Variants in ULK4 observed in about 807,000 individuals in gnomAD.
ULK4 encodes the protein unc-51 like kinase 4.
In ULK4, 133 loss-of-function variants were observed where a neutral mutation model predicts 160.6. That is an observed-to-expected ratio of 0.83 (90% CI 0.72 to 0.96). The LOEUF is 0.96. Ranked by LOEUF, ULK4 falls within the 40% of genes least tolerant of loss-of-function variation. The pLI is 0.00. For missense variants in ULK4, 1,580 were observed against 1,499.5 expected (o/e 1.05, Z -0.89); for synonymous variants, 534 against 539.8 (o/e 0.99, Z 0.15).
chr3:41,275,723 C>G (rs536636526), intron 35 of ULK4, among the ~76,000 whole-genome samples: 1 of 152,240 alleles, frequency 6.6e-6, no homozygotes, highest in Non-Finnish European at 1.5e-5. Flanking sequence ...CATGATAGAA[C>G]AGCCCAGCTA....
At position 41,566,062 on chromosome 3, in the gene ULK4, G is replaced by A. The variant is rs1287628808; in HGVS notation, c.3189C>T (p.Ala1063=). 1 of 1,613,458 alleles carries A rather than the reference G, an allele frequency of 6.2e-7. No individual in the cohort carries two copies. Among genetic ancestry groups the A allele is most frequent in the Non-Finnish European group, 8.5e-7 (1 of 1,179,862 alleles). Residue 1063 remains alanine (A), a synonymous_variant, in exon 32 of 37, where the codon GCC becomes GCT. Transcript: ENST00000301831. ...GTAGTTCCATATTCGAATCTTTGCA[G>A]GCAACTAGATTGCTGAGTAATGCAA... is the stretch of plus-strand genomic sequence containing the variant. ...SVIALLSNLV[A]CKDSNMELLY... is the part of the protein sequence containing the mutation.
rs1165196198 is a variant in ULK4, at chr3:41,760,447, C to CTTGTACACAAAAA, written c.2194-5972_2194-5960dup. Among the ~76,000 whole-genome samples the CTTGTACACAAAAA allele has an allele frequency of 2.0e-5, 3 of 152,028 alleles. No individual in the cohort carries two copies. The East Asian group carries it at 5.8e-4, about 29-fold the overall frequency. The stretch of plus-strand genomic sequence containing the variant: ...ATAAAAACTTAAGTTCACAGAAAAC[C>CTTGTACACAAAAA]TTGTACACAAAAATTGTACACAAAA... On this transcript the variant is annotated intron_variant, in intron 21 of 36. Transcript: ENST00000301831.
At chr3:41,473,624 G>A (rs551897724) in intron 32 of ULK4, among the ~76,000 whole-genome samples, 27 of 140,182 alleles carry the variant, frequency 1.9e-4, no homozygotes, top group African/African-American at 7.2e-4. Context: ...ATCGCACCAC[G>A]GCACTCCAGG....
chr3:41,725,919 C>T (rs1180891322), intron 22 of ULK4, among the ~76,000 whole-genome samples: 1 of 152,138 alleles, frequency 6.6e-6, no homozygotes, highest in Non-Finnish European at 1.5e-5. Flanking sequence ...CAAAAATGAG[C>T]TTCTCTCCCT....
chr3:41,581,094 C>G (rs537223187), intron 31 of ULK4, among the ~76,000 whole-genome samples: 1 of 152,044 alleles, frequency 6.6e-6, no homozygotes, highest in African/African-American at 2.4e-5. Context: ...CCAGAATATA[C>G]ACTAATCAAC....
At chr3:41,264,747 A>T (rs561038007) in intron 35 of ULK4, among the ~76,000 whole-genome samples, 1 of 152,348 alleles carries the variant, frequency 6.6e-6, no homozygotes, top group African/African-American at 2.4e-5. Flanking sequence ...TCAACAGATT[A>T]TATTAGATGA....
intron 27 of ULK4, among the ~76,000 whole-genome samples, chr3:41,683,084 A>G (rs2035975237): frequency 6.6e-6 from 1 of 152,192 alleles, no homozygotes; most frequent in Non-Finnish European, 1.5e-5. Flanking sequence ...ATTCTTTCAT[A>G]CATTCCCAGT....
chr3:41,932,813 G>A (rs1379779962), intron 4 of ULK4, among the ~76,000 whole-genome samples: 1 of 152,166 alleles, frequency 6.6e-6, no homozygotes, highest in African/African-American at 2.4e-5. Context: ...GAAGGCTGAG[G>A]CAGGCAGATC....
intron 1 of ULK4, 107 bp downstream of exon 1, chr3:41,961,909 C>A (rs1247680062): frequency 6.6e-6 from 1 of 152,606 alleles, no homozygotes; most frequent in Non-Finnish European, 1.5e-5. Flanking sequence ...AGAGGGCGGC[C>A]AGGCGCCACC....
chr3:41,520,082 A>T (rs1379864511), intron 32 of ULK4, among the ~76,000 whole-genome samples: 1 of 152,198 alleles, frequency 6.6e-6, no homozygotes, highest in African/African-American at 2.4e-5. Flanking sequence ...GTACCATTTT[A>T]ACTATTTTTT....
intron 32 of ULK4, among the ~76,000 whole-genome samples, chr3:41,487,940 T>C (rs557100669): frequency 6.6e-6 from 1 of 151,422 alleles, no homozygotes; most frequent in African/African-American, 2.4e-5. Context: ...CAGTTACCCA[T>C]GAGCAAAGAA....
intron 21 of ULK4, among the ~76,000 whole-genome samples, chr3:41,771,208 G>C (rs1327090991): frequency 6.6e-6 from 1 of 152,114 alleles, no homozygotes; most frequent in East Asian, 1.9e-4. Context: ...TAATCTGTCA[G>C]AATATTTCCA....
At position 41,677,716 on chromosome 3, in the gene ULK4, C is replaced by T. The variant is rs563811244; in HGVS notation, c.2978+3792G>A. On this transcript the variant is annotated intron_variant, in intron 29 of 36. Transcript: ENST00000301831. ...TATTAATTCATCAATTTAAATAGTA[C>T]GCGGTTCATTCATTGTATTATGATA... Among the ~76,000 whole-genome samples, 11 of 152,148 alleles carry T rather than the reference C, an allele frequency of 7.2e-5. No individual in the cohort carries two copies. The South Asian group carries it at 1.5e-3, about 20-fold the overall frequency.
intron 22 of ULK4, among the ~76,000 whole-genome samples, chr3:41,728,357 G>A (rs1432873857): frequency 6.6e-6 from 1 of 152,138 alleles, no homozygotes; most frequent in African/African-American, 2.4e-5. Context: ...AAGGCAAAGG[G>A]GTGCCAGGGT....
intron 32 of ULK4, among the ~76,000 whole-genome samples, chr3:41,520,304 T>C (rs1317327233): frequency 2.0e-5 from 3 of 152,062 alleles, no homozygotes; most frequent in Admixed American, 6.6e-5. Flanking sequence ...AGTAGAATCA[T>C]AACAATATTT....
chr3:41,408,729 A>T (rs2125825170), intron 34 of ULK4, among the ~76,000 whole-genome samples: 1 of 152,286 alleles, frequency 6.6e-6, no homozygotes. Flanking sequence ...AAGCAACAGT[A>T]ATCCAACAAA....
At chr3:41,264,319 C>T (rs142134426) in intron 35 of ULK4, among the ~76,000 whole-genome samples, 9 of 152,336 alleles carry the variant, frequency 5.9e-5, no homozygotes, top group East Asian at 1.9e-4. Context: ...CACATGCCAG[C>T]GCCAGATCCC....
chr3:41,542,934 A>T (rs2086743973), intron 32 of ULK4, among the ~76,000 whole-genome samples: 1 of 152,120 alleles, frequency 6.6e-6, no homozygotes, highest in African/African-American at 2.4e-5. Context: ...AAGGTTCCCC[A>T]ATCTTCTATG....
intron 22 of ULK4, among the ~76,000 whole-genome samples, chr3:41,721,460 C>T (rs187239179): frequency 6.8e-6 from 1 of 146,742 alleles, no homozygotes; most frequent in Non-Finnish European, 1.5e-5. Context: ...CTCTGCCACA[C>T]AGGTTCAAGT....
Sources: gnomAD v4.1 joint callset for allele counts (sites outside exome capture counted in the v4.1 genomes callset) on GRCh38, gnomAD v4.1.1 for gene constraint, MANE v1.5 for transcripts, NCBI Gene and HGNC (gene_info 2026-07-23, HGNC 2026-07-21) for gene names.